The following LRRC52 variants were observed in gnomAD, a reference collection of about 807,000 sequenced individuals.
LRRC52 encodes leucine-rich repeat-containing protein 52.
LRRC52 carries 15 observed loss-of-function variants against 14.7 expected under a neutral mutation model. The ratio of observed to expected loss-of-function variants is 1.02; its 90% CI spans 0.68 to 1.58. LRRC52 has a LOEUF of 1.58. Among genes scored for constraint, LRRC52 ranks in the 40% most tolerant of loss-of-function variants. The probability of loss-of-function intolerance (pLI) is 0.00; values close to 1 mark genes in which losing one functional copy is unlikely to be tolerated. For synonymous variants in LRRC52, 180 were observed against 163.9 expected (o/e 1.10, Z -0.75); for missense variants, 400 against 387.7 (o/e 1.03, Z -0.27).
intron 1 of LRRC52, among the ~76,000 whole-genome samples, chr1:165,548,450 T>A (rs984770099): frequency 6.6e-6 from 1 of 152,228 alleles, no homozygotes; most frequent in South Asian, 2.1e-4. Context: ...ATCTATGTCA[T>A]AGTTTAGTTG....
intron 1 of LRRC52, among the ~76,000 whole-genome samples, chr1:165,552,521 G>A (rs148422570): frequency 0.023 from 3,434 of 152,264 alleles, 68 homozygotes; most frequent in Non-Finnish European, 0.031. Flanking sequence ...GTAAGGCTAG[G>A]AAGGAAGCTC....
At chr1:165,555,478 C>T (rs1306826042) in intron 1 of LRRC52, among the ~76,000 whole-genome samples, 2 of 152,094 alleles carry the variant, frequency 1.3e-5, no homozygotes, top group African/African-American at 2.4e-5. Flanking sequence ...CATGGAGAGG[C>T]TTTTGATTTT....
rs982774511 is a variant in LRRC52 at position 165,547,631 on chromosome 1, T to A, written c.622+2713T>A. On this transcript the variant is annotated intron_variant, in intron 1 of 1. Transcript: ENST00000294818. ...AAACACAAATACCTACACACACATATGCAAACACAAAGGTTTGTATATACC... is the reference window on the plus strand; with the variant it reads ...AAACACAAATACCTACACACACATAAGCAAACACAAAGGTTTGTATATACC... Among the ~76,000 whole-genome samples the A allele has an allele frequency of 2.0e-5, 3 of 152,112 alleles. No individual in the cohort carries two copies. The South Asian group carries it at 6.2e-4, about 31-fold the overall frequency.
At position 165,563,845 on chromosome 1, in the gene LRRC52, A is replaced by C. The variant is rs1324598113; in HGVS notation, c.*21A>C. 7.5e-6 allele frequency: 12 copies of C among 1,604,952 alleles called. No individual in the cohort carries two copies. Among genetic ancestry groups the C allele is most frequent in the Non-Finnish European group, 9.4e-6 (11 of 1,174,192 alleles). ...TTTAGTTGCCAGAGACCACTATCTT[A>C]TGTGCCTCCCCCAGGCTCCCTGCTT... On this transcript the variant is annotated 3_prime_UTR_variant, in exon 2 of 2. Coordinates refer to ENST00000294818, the MANE Select transcript of LRRC52 (RefSeq NM_001005214.4).
At chr1:165,552,310 A>G (rs1661148219) in intron 1 of LRRC52, among the ~76,000 whole-genome samples, 1 of 152,220 alleles carries the variant, frequency 6.6e-6, no homozygotes, top group African/African-American at 2.4e-5. Flanking sequence ...TCTGAAAAAC[A>G]GCAGTTCAAG....
At chr1:165,561,063 TTGGCAG>T (rs1344102541) in intron 1 of LRRC52, among the ~76,000 whole-genome samples, 1 of 152,096 alleles carries the variant, frequency 6.6e-6, no homozygotes, top group African/African-American at 2.4e-5. Flanking sequence ...AGCCCAAATC[TTGGCAG>T]TGACTGCGAC....
At chr1:165,553,313 G>A (rs759620586) in intron 1 of LRRC52, among the ~76,000 whole-genome samples, 12 of 152,208 alleles carry the variant, frequency 7.9e-5, no homozygotes, top group Non-Finnish European at 1.3e-4. Flanking sequence ...AGTGGGAGCA[G>A]GTCAGATAAG....
intron 1 of LRRC52, 26 bp from the exon 2 acceptor site, chr1:165,563,479 C>A (rs750158156): frequency 5.0e-6 from 8 of 1,589,184 alleles, no homozygotes; most frequent in South Asian, 4.7e-5. Context: ...GTTTCAGCAC[C>A]CTGCCTGCTG....
chr1:165,546,103 C>T (rs1002509710), intron 1 of LRRC52, among the ~76,000 whole-genome samples: 2 of 152,178 alleles, frequency 1.3e-5, no homozygotes, highest in East Asian at 1.9e-4. Context: ...AAGTAAAAAA[C>T]GTGCCCTCCT....
chr1:165,545,002 A>C lies in LRRC52; in HGVS notation c.622+84A>C, dbSNP rs75784600. ...GAACTCAAAAGATGGTCAGAATGGGAGAAAAAGTTGGGTGAAGCTGATTGA... is the reference window on the plus strand; with the variant it reads ...GAACTCAAAAGATGGTCAGAATGGGCGAAAAAGTTGGGTGAAGCTGATTGA... On this transcript the variant is annotated intron_variant, in intron 1 of 1. Coordinates refer to ENST00000294818, the MANE Select transcript of LRRC52 (RefSeq NM_001005214.4). 6,700 of 1,538,286 alleles carry C rather than the reference A, an allele frequency of 4.4e-3. 31 individuals are homozygous for C. The highest frequency in any genetic ancestry group is 4.7e-3 in the Non-Finnish European group (5,385 of 1,134,212).
intron 1 of LRRC52, among the ~76,000 whole-genome samples, chr1:165,558,292 G>A (rs1661278617): frequency 6.6e-6 from 1 of 152,204 alleles, no homozygotes; most frequent in Admixed American, 6.5e-5. Flanking sequence ...ACTGGAGTGA[G>A]GCTGAGGAAA....
Position 165,550,260 on chromosome 1 carries a change from C to T in LRRC52, c.622+5342C>T, listed in dbSNP as rs545722403. ...GAAAACTCACTCAAACTCTAAGCTC[C>T]AAAACATACAAAACCTAGCCTCATA... On this transcript the variant is annotated intron_variant, in intron 1 of 1. Transcript: ENST00000294818. 6.6e-5 allele frequency among the ~76,000 whole-genome samples: 10 copies of T among 152,282 alleles called. 1 individual carries two copies. The South Asian group carries it at 2.1e-3, about 32-fold the overall frequency.
chr1:165,553,276 A>G (rs1489335582), intron 1 of LRRC52, among the ~76,000 whole-genome samples: 1 of 152,192 alleles, frequency 6.6e-6, no homozygotes, highest in East Asian at 1.9e-4. Flanking sequence ...AACAGGATAA[A>G]TTCATGGAAG....
chr1:165,563,936 T>C lies in LRRC52; in HGVS notation c.*112T>C. 2 of 1,173,928 alleles carry C rather than the reference T, an allele frequency of 1.7e-6. No individual in the cohort carries two copies. Among genetic ancestry groups the C allele is most frequent in the Middle Eastern group, 2.0e-4 (1 of 4,898 alleles). The allele number at this position is 1,173,928 out of a possible 1,614,324, so 72.7% of individuals were successfully genotyped here. A position where few individuals can be genotyped will look rare whatever the true frequency, so the allele number is the denominator to read the frequency against. On this transcript the variant is annotated 3_prime_UTR_variant, in exon 2 of 2. Transcript: ENST00000294818. ...TAGAGATTGAAACCTTCTAGTAAAATAAATAAAATCTCTGATGGCCATTTC... is the reference window on the plus strand; with the variant it reads ...TAGAGATTGAAACCTTCTAGTAAAACAAATAAAATCTCTGATGGCCATTTC...
At position 165,544,256 on chromosome 1, in the gene LRRC52, C is replaced by A. The variant is rs776731698; in HGVS notation, c.-41C>A. 1.3e-6 allele frequency: 2 copies of A among 1,567,096 alleles called. No homozygotes were observed. Among genetic ancestry groups the A allele is most frequent in the Non-Finnish European group, 1.7e-6 (2 of 1,154,960 alleles). ...GCAGCCTTCGGATCAGAGGACAGAG[C>A]CCGCAGGAAGGTGAAAGGAGGGTGG... On this transcript the variant is annotated 5_prime_UTR_variant, in exon 1 of 2. Coordinates refer to ENST00000294818, the MANE Select transcript of LRRC52 (RefSeq NM_001005214.4).
chr1:165,562,475 C>T (rs934622985), intron 1 of LRRC52, among the ~76,000 whole-genome samples: 2 of 152,040 alleles, frequency 1.3e-5, no homozygotes, highest in South Asian at 2.1e-4. Context: ...GATAGGGCTC[C>T]GAGGATTCCG....
At chr1:165,559,100 A>G (rs1661293673) in intron 1 of LRRC52, among the ~76,000 whole-genome samples, 1 of 152,212 alleles carries the variant, frequency 6.6e-6, no homozygotes, top group African/African-American at 2.4e-5. Context: ...AAAATTTGTA[A>G]AGTGAAGGCC....
At position 165,544,885 on chromosome 1, in the gene LRRC52, A is replaced by G; in HGVS notation, c.589A>G (p.Ile197Val). ...KCNCSFLDFA[I>V]FLIVFHMDPS... ...CAACTGCTCTTTCCTGGACTTCGCC[A>G]TCTTCTTAATAGTGTTCCATATGGA... Residue 197 changes from isoleucine (I) to valine (V), a missense_variant, in exon 1 of 2, where the codon ATC (isoleucine) becomes GTC (valine). By Grantham distance (29) the Ile-to-Val change is conservative (BLOSUM62 3). Transcript: ENST00000294818. 15 of 1,614,068 alleles carry G rather than the reference A, an allele frequency of 9.3e-6. No individual in the cohort carries two copies. The highest frequency in any genetic ancestry group is 1.3e-5 in the Non-Finnish European group (15 of 1,180,008).
chr1:165,550,937 A>T (rs1268116703), intron 1 of LRRC52, among the ~76,000 whole-genome samples: 1 of 152,158 alleles, frequency 6.6e-6, no homozygotes, highest in Non-Finnish European at 1.5e-5. Context: ...TGGGTTAGAG[A>T]TCCTCAAAGG....
Sources: gnomAD v4.1 joint callset for allele counts (sites outside exome capture counted in the v4.1 genomes callset) on GRCh38, gnomAD v4.1.1 for gene constraint, MANE v1.5 for transcripts, NCBI Gene and HGNC (gene_info 2026-07-23, HGNC 2026-07-21) for gene names.